Variants in FRY observed in about 807,000 individuals in gnomAD.
FRY encodes the protein protein furry homolog.
Under a neutral mutation model 348.4 loss-of-function variants are expected in FRY, and 128 were observed. The observed-to-expected ratio is 0.37, with a 90% CI of 0.32 to 0.43. FRY has a LOEUF of 0.43. FRY is among the 20% of genes least tolerant of loss of function. The probability of loss-of-function intolerance (pLI) is 1.00; values close to 1 mark genes in which losing one functional copy is unlikely to be tolerated. For synonymous variants in FRY, 1,370 were observed against 1,374.7 expected (o/e 1.00, Z 0.08); for missense variants, 2,736 against 3,695.2 (o/e 0.74, Z 6.73).
chr13:32,050,968 AC>A (rs1873290517), intron 1 of FRY, among the ~76,000 whole-genome samples: 1 of 152,206 alleles, frequency 6.6e-6, no homozygotes, highest in Non-Finnish European at 1.5e-5. Flanking sequence ...TTTTAGGAAG[AC>A]CCTTACAACA....
At chr13:32,036,264 T>C (rs1872507730) in intron 1 of FRY, among the ~76,000 whole-genome samples, 1 of 152,122 alleles carries the variant, frequency 6.6e-6, no homozygotes. Context: ...TTTAATTGGG[T>C]TCTTTAAATA....
intron 1 of FRY, among the ~76,000 whole-genome samples, chr13:32,039,793 T>C (rs1230947068): frequency 6.6e-6 from 1 of 152,216 alleles, no homozygotes; most frequent in South Asian, 2.1e-4. Flanking sequence ...GCTAATACTT[T>C]TTATGCTGCT....
chr13:32,060,508 C>G (rs777815852), intron 1 of FRY, among the ~76,000 whole-genome samples: 3 of 152,188 alleles, frequency 2.0e-5, no homozygotes, highest in Non-Finnish European at 4.4e-5. Flanking sequence ...TACAGATTCT[C>G]TGCTGTTGGT....
rs1057503350 is a variant in FRY, at chr13:32,234,670, G to A, written c.5624G>A (p.Arg1875Gln). 6 of 1,613,922 alleles carry A rather than the reference G, an allele frequency of 3.7e-6. No homozygotes were observed. The highest frequency in any genetic ancestry group is 2.2e-5 in the South Asian group (2 of 91,074). ...HYAGRSFQIF[R>Q]ALKQPLSAHA... ...GCTGGTCGGTCCTTCCAGATATTCC[G>A]GGCCCTCAAGCAACCTCTGTCAGCA... The change falls in exon 42 of 61, where the codon CGG (arginine) becomes CAG (glutamine). Residue 1875 changes from arginine to glutamine, a missense_variant. Arg to Gln is a conservative substitution (Grantham distance 43). This residue lies in a region of FRY where 794 missense variants were observed against 977.0 expected (regional missense o/e 0.81). Transcript: ENST00000542859.
At chr13:32,275,394 T>TA (rs910049259) in intron 56 of FRY, among the ~76,000 whole-genome samples, 4 of 151,542 alleles carry the variant, frequency 2.6e-5, no homozygotes, top group African/African-American at 9.7e-5. Context: ...TCTCAAAAAA[T>TA]AAAAAAATAA....
intron 57 of FRY, among the ~76,000 whole-genome samples, chr13:32,277,007 C>G (rs1460516323): frequency 6.6e-6 from 1 of 152,160 alleles, no homozygotes; most frequent in African/African-American, 2.4e-5. Context: ...TTGCTCTTTA[C>G]TTTTTTCTTT....
rs1882202199 is a variant in FRY at position 32,173,370 on chromosome 13, A to G, written c.2155A>G (p.Ile719Val). 6.2e-7 allele frequency: 1 copy of G among 1,609,986 alleles called. No homozygotes were observed. The highest frequency in any genetic ancestry group is 8.5e-7 in the Non-Finnish European group (1 of 1,177,856). The stretch of plus-strand genomic sequence containing the variant: ...TGTTGTTCTTATTGCATAACAGCTC[A>G]TCGCAAATGGCTCCAGTCACAGAAT... ...QANKIRNSEL[I>V]ANGSSHRIQS... Residue 719 changes from isoleucine to valine, a missense_variant, in exon 19 of 61, where the codon ATC (isoleucine) becomes GTC (valine). By Grantham distance (29) the Ile-to-Val change is conservative. This residue lies in a region of FRY where 449 missense variants were observed against 576.9 expected (regional missense o/e 0.78). Coordinates refer to ENST00000542859, the MANE Select transcript of FRY (RefSeq NM_023037.3).
At chr13:32,270,972 A>G (rs761311179) in intron 55 of FRY, among the ~76,000 whole-genome samples, 4 of 152,200 alleles carry the variant, frequency 2.6e-5, no homozygotes, top group Admixed American at 6.5e-5. Context: ...CAGCGGGTTC[A>G]TTACCAAGAC....
intron 23 of FRY, among the ~76,000 whole-genome samples, chr13:32,182,528 T>A (rs554559665): frequency 1.9e-3 from 282 of 152,352 alleles, no homozygotes; most frequent in African/African-American, 6.5e-3. Flanking sequence ...CCATCTCTTT[T>A]CCACTAATTA....
chr13:32,225,757 G>A, intron 38 of FRY, 32 bp from the exon 39 acceptor site: 1 of 1,531,114 alleles, frequency 6.5e-7, no homozygotes, highest in Non-Finnish European at 9.1e-7. Context: ...CTTAACGTTT[G>A]TTTATACTTA....
At chr13:32,249,961 G>A (rs945902984) in intron 49 of FRY, among the ~76,000 whole-genome samples, 1 of 152,142 alleles carries the variant, frequency 6.6e-6, no homozygotes, top group Non-Finnish European at 1.5e-5. Context: ...CTTTCACATG[G>A]CAGCCCTTCA....
intron 46 of FRY, among the ~76,000 whole-genome samples, chr13:32,242,824 C>T (rs541380933): frequency 6.6e-6 from 1 of 152,280 alleles, no homozygotes. Context: ...CATGAGCCAC[C>T]GCGCCCTGCT....
intron 58 of FRY, among the ~76,000 whole-genome samples, chr13:32,287,140 G>A (rs1889116903): frequency 1.3e-5 from 2 of 151,076 alleles, no homozygotes; most frequent in African/African-American, 4.9e-5. Context: ...ACTCCAGCCT[G>A]GGCGACAGAG....
chr13:32,282,211 G>C (rs374620857), intron 58 of FRY, among the ~76,000 whole-genome samples: 17 of 152,296 alleles, frequency 1.1e-4, no homozygotes, highest in African/African-American at 4.1e-4. Flanking sequence ...GCACTGCTTA[G>C]CTTACCTCTA....
chr13:32,273,308 GC>G (rs1888304570), intron 55 of FRY, among the ~76,000 whole-genome samples: 1 of 145,876 alleles, frequency 6.9e-6, no homozygotes. Context: ...TGCAGGCTCC[GC>G]CCCCTGGGGT....
intron 2 of FRY, among the ~76,000 whole-genome samples, chr13:32,090,254 G>A (rs138104890): frequency 0.023 from 3,491 of 151,314 alleles, 65 homozygotes; most frequent in Non-Finnish European, 0.033. Context: ...AGGCTGAGGC[G>A]GGAGAATGGC....
chr13:32,209,845 A>G (rs1884583168), intron 33 of FRY, 114 bp downstream of exon 33: 1 of 1,054,360 alleles, frequency 9.5e-7, no homozygotes, highest in Non-Finnish European at 1.5e-6. Flanking sequence ...CCAGTTAGTC[A>G]CATGAATCTC....
chr13:32,273,703 G>A (rs1888337535), intron 55 of FRY, among the ~76,000 whole-genome samples: 1 of 152,152 alleles, frequency 6.6e-6, no homozygotes, highest in South Asian at 2.1e-4. Context: ...CAGTTTCCGT[G>A]CTGTCTCAAG....
At chr13:32,179,176 A>T (rs1882547751) in intron 22 of FRY, 143 bp downstream of exon 22, 2 of 674,396 alleles carry the variant, frequency 3.0e-6, no homozygotes, top group East Asian at 5.4e-5. Context: ...TCTAAATTCC[A>T]TTGAGTGTTT....
Sources: allele counts gnomAD v4.1 joint callset (sites outside exome capture counted in the v4.1 genomes callset), GRCh38; gene constraint gnomAD v4.1.1; regional missense constraint gnomAD v4.1.1; transcripts MANE v1.5; gene names NCBI Gene and HGNC (gene_info 2026-07-23, HGNC 2026-07-21).